Variants in GNE observed in about 807,000 individuals in gnomAD.
GNE encodes bifunctional UDP-N-acetylglucosamine 2-epimerase/N-acetylmannosamine kinase.
Under a neutral mutation model 61.8 loss-of-function variants are expected in GNE, and 41 were observed. The observed-to-expected ratio is 0.66, with a 90% CI of 0.52 to 0.86. The LOEUF is 0.86. GNE is among the 40% of genes least tolerant of loss of function. The probability of loss-of-function intolerance (pLI) is 0.00; values close to 1 mark genes in which losing one functional copy is unlikely to be tolerated. For missense variants in GNE, 608 were observed against 909.1 expected (o/e 0.67, Z 4.26); for synonymous variants, 264 against 326.4 (o/e 0.81, Z 2.06).
rs889999562 is a variant in GNE at position 36,218,489 on chromosome 9, G to A, written c.1817-190C>T. 2.0e-5 allele frequency among the ~76,000 whole-genome samples: 3 copies of A among 152,184 alleles called. No homozygotes were observed. The highest frequency in any genetic ancestry group is 7.2e-5 in the African/African-American group (3 of 41,440). On this transcript the variant is annotated intron_variant, in intron 10 of 11. Coordinates refer to ENST00000642385, the MANE Select transcript of GNE (RefSeq NM_005476.7). The surrounding 1 kb of genome is among the most constrained non-coding windows in gnomAD (Gnocchi z 4.1). ...TTTGCTACCCTCTTGCTAATTGGTT[G>A]TACATAACCCAGAACCTATCTTCCT...
chr9:36,248,402 C>T (rs1209373695), intron 2 of GNE, among the ~76,000 whole-genome samples: 4 of 151,778 alleles, frequency 2.6e-5, no homozygotes, highest in East Asian at 3.9e-4. Flanking sequence ...GCAACCTCCG[C>T]CTCCCGGGTT....
In GNE at chr9:36,274,068, CTGTGTGTGTGTGTGTGTG is replaced by C. The variant is rs71336439; in HGVS notation, c.51+2808_51+2825del. On this transcript the variant is annotated intron_variant, in intron 1 of 11. Coordinates refer to the GNE transcript ENST00000396594. ...AACCCAGGTGCTTCGGTCTATGGTA[CTGTGTGTGTGTGTGTGTG>C]TGTGTGTGTGTGTGTGTGTGTGTGT... Among the ~76,000 whole-genome samples, 1,330 of 142,100 alleles carry C rather than the reference CTGTGTGTGTGTGTGTGTG, an allele frequency of 9.4e-3. 19 individuals are homozygous for C. The highest frequency in any genetic ancestry group is 0.039 in the Admixed American group (544 of 14,072). The allele number at this position is 142,100 out of a possible 152,430, so 93.2% of individuals were successfully genotyped here.
chr9:36,226,470 C>T (rs540709045), intron 7 of GNE, among the ~76,000 whole-genome samples: 1 of 152,154 alleles, frequency 6.6e-6, no homozygotes, highest in African/African-American at 2.4e-5. Context: ...AGGCGTAAGC[C>T]ACTGCATCCA....
At chr9:36,226,340 T>C (rs1047145382) in intron 7 of GNE, among the ~76,000 whole-genome samples, 21 of 35,540 alleles carry the variant, frequency 5.9e-4, no homozygotes, top group Non-Finnish European at 1.6e-3. Context: ...GCCCAGCTAA[T>C]TTTTTTTTTT....
chr9:36,259,564 C>T (rs1290090099), upstream of GNE, among the ~76,000 whole-genome samples: 3 of 152,204 alleles, frequency 2.0e-5, no homozygotes, highest in African/African-American at 7.2e-5. Flanking sequence ...TCTTAGTTCT[C>T]CTGTGGCTAG....
At chr9:36,240,960 G>T (rs1342493767) in intron 3 of GNE, among the ~76,000 whole-genome samples, 2 of 152,070 alleles carry the variant, frequency 1.3e-5, no homozygotes, top group East Asian at 3.9e-4. Context: ...TAGTAGCCTT[G>T]AATGATCTTT....
intron 1 of GNE, among the ~76,000 whole-genome samples, chr9:36,270,562 G>C (rs1043223057): frequency 2.7e-5 from 4 of 147,492 alleles, no homozygotes; most frequent in Non-Finnish European, 5.9e-5. Flanking sequence ...CTTTCGCCCA[G>C]GCCGTACTGC....
chr9:36,218,089 C>T lies in GNE; in HGVS notation c.1933+94G>A. 1.2e-6 allele frequency: 1 copy of T among 843,712 alleles called. No individual in the cohort carries two copies. The highest frequency in any genetic ancestry group is 2.1e-6 in the Non-Finnish European group (1 of 479,144). 52.3% of individuals were successfully genotyped at this position (843,712 alleles called of 1,614,324 possible). ...GAACAGACACTGCAAAGCACCTGTC[C>T]CTAGGGAAGCAGGGTCTCTTCTGGG... On this transcript the variant is annotated intron_variant, in intron 11 of 11. Coordinates refer to ENST00000642385, the MANE Select transcript of GNE (RefSeq NM_005476.7). The surrounding 1 kb of genome is among the most constrained non-coding windows in gnomAD (Gnocchi z 4.1).
Position 36,236,988 on chromosome 9 carries a change from T to C in GNE, c.617-4A>G. 1 of 1,608,230 alleles carries C rather than the reference T, an allele frequency of 6.2e-7. No homozygotes were observed. Among genetic ancestry groups the C allele is most frequent in the East Asian group, 2.2e-5 (1 of 44,814 alleles). ...TCTTTAGATTTTACATCATCACCTG[T>C]TTAAAGAAAATCAAACCACATTGCT... On this transcript the variant is annotated splice_region_variant and splice_polypyrimidine_tract_variant and intron_variant, in intron 3 of 11. Coordinates refer to ENST00000642385, the MANE Select transcript of GNE (RefSeq NM_005476.7).
rs1038032844 is a variant in GNE at position 36,236,661 on chromosome 9, A to G, written c.769+171T>C. 1.1e-4 allele frequency among the ~76,000 whole-genome samples: 16 copies of G among 152,212 alleles called. 1 individual carries two copies. Among genetic ancestry groups the G allele is most frequent in the Admixed American group, 9.8e-4 (15 of 15,276 alleles). On this transcript the variant is annotated intron_variant, in intron 4 of 11. Transcript: ENST00000642385. ...TACTGGACTTGGCAAAAACATTACA[A>G]ACTTTTTGAGTTATAGCAAAATTGG...
intron 5 of GNE, among the ~76,000 whole-genome samples, chr9:36,231,818 A>G (rs562202633): frequency 2.0e-5 from 3 of 152,132 alleles, no homozygotes; most frequent in Non-Finnish European, 4.4e-5. Context: ...TCAAATTTCT[A>G]TCTCCAACTC....
intron 1 of GNE, among the ~76,000 whole-genome samples, chr9:36,272,165 G>A (rs1189171205): frequency 1.3e-5 from 2 of 152,224 alleles, no homozygotes; most frequent in Non-Finnish European, 2.9e-5. Flanking sequence ...TGAGATAGAT[G>A]TGTGGAGGCA....
chr9:36,234,072 C>T lies in GNE; in HGVS notation c.830G>A (p.Arg277His), dbSNP rs1198065155. The T allele has an allele frequency of 3.7e-6, 6 of 1,614,090 alleles. No homozygotes were observed. Among genetic ancestry groups the T allele is most frequent in the Non-Finnish European group, 3.4e-6 (4 of 1,179,968 alleles). The change falls in exon 5 of 12, where the codon CGT becomes CAT. Residue 277 changes from arginine to histidine, a missense_variant. Coordinates refer to ENST00000642385, the MANE Select transcript of GNE (RefSeq NM_005476.7). ...KKGIEHHPNFRAVKHVPFDQF... is the reference protein window; with the variant it reads ...KKGIEHHPNFHAVKHVPFDQF... Reference sequence around the variant, plus strand: ...GTCAAATGGGACGTGTTTAACTGCACGAAAGTTGGGATGATGCTCAATGCC... The same window carrying T: ...GTCAAATGGGACGTGTTTAACTGCATGAAAGTTGGGATGATGCTCAATGCC...
chr9:36,244,461 G>A (rs1205546653), intron 3 of GNE, among the ~76,000 whole-genome samples: 1 of 152,062 alleles, frequency 6.6e-6, no homozygotes, highest in Non-Finnish European at 1.5e-5. Context: ...TAGGAAGCTA[G>A]AGCACTGAAC....
chr9:36,270,371 GT>G lies in GNE; in HGVS notation c.51+6522del, dbSNP rs1471885307. On this transcript the variant is annotated intron_variant, in intron 1 of 11. Coordinates refer to the GNE transcript ENST00000396594. ...AATCAATGTAAATATTTAATGTAGA[GT>G]TTTTTATTATACAAACTATTATATC... Among the ~76,000 whole-genome samples, 3 of 152,030 alleles carry G rather than the reference GT, an allele frequency of 2.0e-5. No homozygotes were observed. In the South Asian group the frequency reaches 6.2e-4, roughly 32 times the overall value.
At chr9:36,266,846 T>G (rs1456699373) in intron 1 of GNE, among the ~76,000 whole-genome samples, 2 of 152,060 alleles carry the variant, frequency 1.3e-5, no homozygotes, top group Non-Finnish European at 2.9e-5. Context: ...GAGGCGGAGC[T>G]TGCAGTGAGC....
chr9:36,276,763 T>C (rs1409982418), intron 1 of GNE: 22 of 730,748 alleles, frequency 3.0e-5, no homozygotes, highest in Non-Finnish European at 5.0e-5. Context: ...TAAAAAAGTC[T>C]TTAAAAATGA....
chr9:36,222,787 G>A lies in GNE; in HGVS notation c.1623C>T (p.Ile541=). The change falls in exon 9 of 12, where the codon ATC becomes ATT. Residue 541 remains isoleucine, a synonymous_variant. Coordinates refer to ENST00000642385, the MANE Select transcript of GNE (RefSeq NM_005476.7). The part of the protein sequence containing the change: ...GKGLENFVTL[I]TGTGIGGGII... ...CCCTACCCCTCTTACCTGTGCCTGT[G>A]ATAAGTGTAACAAAGTTTTCCAGTC... The A allele has an allele frequency of 6.2e-7, 1 of 1,611,298 alleles. No homozygotes were observed. Among genetic ancestry groups the A allele is most frequent in the Non-Finnish European group, 8.5e-7 (1 of 1,177,468 alleles).
chr9:36,270,797 G>A (rs1300129103), intron 1 of GNE, among the ~76,000 whole-genome samples: 4 of 152,086 alleles, frequency 2.6e-5, no homozygotes, highest in African/African-American at 4.8e-5. Flanking sequence ...GATTACAGGC[G>A]TGAGCCACCA....
Sources: allele counts gnomAD v4.1 joint callset (sites outside exome capture counted in the v4.1 genomes callset), GRCh38; gene constraint gnomAD v4.1.1; non-coding constraint Gnocchi (gnomAD v3.1); transcripts MANE v1.5; gene names NCBI Gene and HGNC (gene_info 2026-07-23, HGNC 2026-07-21).